The following WDR7 variants were observed in gnomAD, a reference collection of about 807,000 sequenced individuals.
WDR7 encodes WD repeat-containing protein 7.
In WDR7, 46 loss-of-function variants were observed where a neutral mutation model predicts 169.4. The ratio of observed to expected loss-of-function variants is 0.27; its 90% CI spans 0.21 to 0.35. The LOEUF (loss-of-function observed/expected upper bound fraction) is 0.35. Among genes scored for constraint, WDR7 ranks in the 10% least tolerant of loss-of-function variants. WDR7 has a pLI of 1.00. For synonymous variants in WDR7, 612 were observed against 666.8 expected (o/e 0.92, Z 1.27); for missense variants, 1,534 against 1,859.3 (o/e 0.83, Z 3.22).
At chr18:56,837,748 C>T (rs1021238621) in intron 20 of WDR7, among the ~76,000 whole-genome samples, 1 of 152,060 alleles carries the variant, frequency 6.6e-6, no homozygotes, top group Admixed American at 6.6e-5. Flanking sequence ...GCAACCTCTG[C>T]CTCCTGGGTG....
At chr18:56,656,451 T>C (rs1337991148) in intron 1 of WDR7, among the ~76,000 whole-genome samples, 1 of 151,990 alleles carries the variant, frequency 6.6e-6, no homozygotes, top group Non-Finnish European at 1.5e-5. Context: ...AGTTAATTTT[T>C]TGCATTTTAG....
intron 19 of WDR7, among the ~76,000 whole-genome samples, chr18:56,786,131 A>G (rs2044395849): frequency 2.6e-5 from 4 of 152,092 alleles, no homozygotes; most frequent in Admixed American, 2.6e-4. Context: ...TTTAATTTAT[A>G]TTGCCCAGGG....
intron 20 of WDR7, among the ~76,000 whole-genome samples, chr18:56,845,293 C>T (rs1004935782): frequency 2.6e-5 from 4 of 151,996 alleles, no homozygotes; most frequent in African/African-American, 9.7e-5. Flanking sequence ...TGTTTCTATG[C>T]ATAAAACTTA....
At chr18:56,867,111 GC>G (rs1488291997) in intron 20 of WDR7, among the ~76,000 whole-genome samples, 2 of 152,010 alleles carry the variant, frequency 1.3e-5, no homozygotes. Context: ...TGCAACCTCC[GC>G]CCCCTGGGCT....
chr18:56,707,079 C>A (rs754379353), intron 12 of WDR7, among the ~76,000 whole-genome samples: 16 of 151,920 alleles, frequency 1.1e-4, no homozygotes, highest in Non-Finnish European at 2.2e-4. Flanking sequence ...TCTCCTGGTT[C>A]AAGCGATTCT....
chr18:57,018,150 G>A (rs2048233502), intron 26 of WDR7, among the ~76,000 whole-genome samples: 1 of 152,196 alleles, frequency 6.6e-6, no homozygotes, highest in Non-Finnish European at 1.5e-5. Flanking sequence ...GATTAAGGAA[G>A]GATGCTAATC....
intron 25 of WDR7, among the ~76,000 whole-genome samples, chr18:56,947,301 G>C (rs981626269): frequency 2.6e-5 from 4 of 152,130 alleles, no homozygotes; most frequent in Non-Finnish European, 2.9e-5. Flanking sequence ...AATCTCTGTT[G>C]GTTCTTTCCC....
intron 26 of WDR7, among the ~76,000 whole-genome samples, chr18:56,974,362 C>CT (rs34901751): frequency 0.059 from 6,562 of 111,670 alleles, 419 homozygotes; most frequent in African/African-American, 0.13. Flanking sequence ...GCTTTTCTTG[C>CT]TTTTTTTTTT....
chr18:56,925,320 T>C (rs187318693), intron 22 of WDR7, among the ~76,000 whole-genome samples: 141 of 152,366 alleles, frequency 9.3e-4, no homozygotes, highest in African/African-American at 3.2e-3. Flanking sequence ...GATAATTCCA[T>C]GTTTAACTTA....
At chr18:56,670,011 T>C (rs1185229398) in intron 1 of WDR7, among the ~76,000 whole-genome samples, 1 of 152,182 alleles carries the variant, frequency 6.6e-6, no homozygotes, top group African/African-American at 2.4e-5. Flanking sequence ...GGCAGTTTAG[T>C]GTGTCTTGGC....
intron 27 of WDR7, among the ~76,000 whole-genome samples, chr18:57,024,942 T>C (rs1446525201): frequency 6.8e-6 from 1 of 146,692 alleles, no homozygotes; most frequent in Non-Finnish European, 1.5e-5. Context: ...CAAATCCCTA[T>C]TCTCAGGCAG....
At chr18:56,663,546 T>C (rs1368728376) in intron 1 of WDR7, among the ~76,000 whole-genome samples, 3 of 152,094 alleles carry the variant, frequency 2.0e-5, no homozygotes, top group African/African-American at 7.2e-5. Context: ...TTCAAGTGGT[T>C]CTACACACAC....
At chr18:56,966,102 G>A (rs1029848771) in intron 26 of WDR7, among the ~76,000 whole-genome samples, 5 of 152,118 alleles carry the variant, frequency 3.3e-5, no homozygotes, top group Non-Finnish European at 7.4e-5. Flanking sequence ...CATAGTGACC[G>A]CTACAACGGG....
intron 20 of WDR7, among the ~76,000 whole-genome samples, chr18:56,868,868 A>G (rs1226649643): frequency 6.6e-6 from 1 of 152,214 alleles, no homozygotes; most frequent in Non-Finnish European, 1.5e-5. Context: ...GTTTTTACCT[A>G]TAAGACTTCT....
At chr18:56,696,968 T>A (rs1568143214) in intron 12 of WDR7, among the ~76,000 whole-genome samples, 1 of 152,326 alleles carries the variant, frequency 6.6e-6, no homozygotes, top group East Asian at 1.9e-4. Flanking sequence ...ATACATACCT[T>A]TGTGGAACCA....
At chr18:56,907,706 C>T (rs2046498476) in intron 21 of WDR7, among the ~76,000 whole-genome samples, 1 of 152,080 alleles carries the variant, frequency 6.6e-6, no homozygotes. Context: ...GGTAAAGACT[C>T]TAGTGGATTC....
At chr18:56,850,132 G>A (rs1568230163) in intron 20 of WDR7, among the ~76,000 whole-genome samples, 1 of 152,164 alleles carries the variant, frequency 6.6e-6, no homozygotes. Context: ...TCAGGTGCCA[G>A]TTCTTTCACA....
intron 19 of WDR7, among the ~76,000 whole-genome samples, chr18:56,793,771 C>A (rs1008219803): frequency 6.6e-6 from 1 of 152,100 alleles, no homozygotes; most frequent in Non-Finnish European, 1.5e-5. Context: ...AGACATATTC[C>A]TCTTATATAT....
intron 21 of WDR7, among the ~76,000 whole-genome samples, chr18:56,901,976 G>A (rs2046409030): frequency 6.6e-6 from 1 of 152,108 alleles, no homozygotes; most frequent in Non-Finnish European, 1.5e-5. Flanking sequence ...ATTGGCAAGT[G>A]GAGAATTCTT....
Sources: gnomAD v4.1 joint callset for allele counts (sites outside exome capture counted in the v4.1 genomes callset) on GRCh38, gnomAD v4.1.1 for gene constraint, MANE v1.5 for transcripts, NCBI Gene and HGNC (gene_info 2026-07-23, HGNC 2026-07-21) for gene names.